The following SERF1B variants were observed in gnomAD, a reference collection of about 807,000 sequenced individuals.
The protein encoded by SERF1B is small EDRK-rich factor 1B, also known as small EDRK-rich factor 1.
intron 2 of SERF1B, among the ~76,000 whole-genome samples, 173 bp from the exon 3 acceptor site, chr5:70,041,351 C>A (rs1167878212): frequency 6.7e-6 from 1 of 148,660 alleles, no homozygotes; most frequent in Non-Finnish European, 1.5e-5. Flanking sequence ...GTCCCATTCC[C>A]CTGAACTAAC....
intron 2 of SERF1B, chr5:70,032,292 T>TA (rs1774149721): frequency 2.0e-6 from 1 of 496,532 alleles, no homozygotes; most frequent in African/African-American, 2.2e-5. Context: ...TGTAACAACT[T>TA]ATAGACTTTT....
intron 2 of SERF1B, among the ~76,000 whole-genome samples, chr5:70,038,502 C>T (rs1486246864): frequency 2.5e-4 from 12 of 48,388 alleles, no homozygotes; most frequent in Non-Finnish European, 3.3e-4. Context: ...CCCAGCTACT[C>T]GGGAGGCTGA....
chr5:70,029,428 G>A (rs1433264897), intron 2 of SERF1B, among the ~76,000 whole-genome samples: 2 of 148,734 alleles, frequency 1.3e-5, no homozygotes, highest in African/African-American at 2.5e-5. Context: ...GAGCCACCAC[G>A]CTGGCCCAGT....
At chr5:70,036,674 T>TA (rs1394579196) in intron 2 of SERF1B, among the ~76,000 whole-genome samples, 11 of 76,652 alleles carry the variant, frequency 1.4e-4, no homozygotes, top group African/African-American at 4.8e-4. Context: ...CAAAAACACT[T>TA]GGTCTGTTAT....
At position 70,042,309 on chromosome 5, in the gene SERF1B, TC is replaced by T. The variant is rs1329229679; in HGVS notation, c.*571del. 5.8e-4 allele frequency: 21 copies of T among 36,236 alleles called. No homozygotes were observed. The highest frequency in any genetic ancestry group is 2.3e-3 in the African/African-American group (19 of 8,330). The allele number at this position is 36,236 out of a possible 1,614,324, so 2.2% of individuals were successfully genotyped here. ...TTTCACCATGTTGGCCAGGCTGGTC[TC>T]CATCTCCTGACCTCGTGATTCACCC... On this transcript the variant is annotated 3_prime_UTR_variant, in exon 3 of 3. Coordinates refer to ENST00000380750, the MANE Select transcript of SERF1B (RefSeq NM_022978.3).
At chr5:70,041,341 G>A (rs1774254020) in intron 2 of SERF1B, among the ~76,000 whole-genome samples, 183 bp from the exon 3 acceptor site, 1 of 146,574 alleles carries the variant, frequency 6.8e-6, no homozygotes, top group East Asian at 1.9e-4. Flanking sequence ...CAGTAAGCCA[G>A]TCCCATTCCC....
At chr5:70,036,596 C>CAT (rs1774188430) in intron 2 of SERF1B, among the ~76,000 whole-genome samples, 2 of 91,534 alleles carry the variant, frequency 2.2e-5, no homozygotes, top group East Asian at 6.7e-4. Context: ...TCAAAACATA[C>CAT]ACACACACAC....
At position 70,028,934 on chromosome 5, in the gene SERF1B, G is replaced by A. The variant is rs540883239; in HGVS notation, c.116+2419G>A. Among the ~76,000 whole-genome samples, 11 of 151,596 alleles carry A rather than the reference G, an allele frequency of 7.3e-5. No homozygotes were observed. The East Asian group carries it at 2.2e-3, about 30-fold the overall frequency. ...GGAGCTTGCAGTGAGCTGAGATCGCGCCACCGCACTCCAGCCTGGGCGACA... is the reference window on the plus strand; with the variant it reads ...GGAGCTTGCAGTGAGCTGAGATCGCACCACCGCACTCCAGCCTGGGCGACA... On this transcript the variant is annotated intron_variant, in intron 2 of 2. Transcript: ENST00000380750.
chr5:70,036,594 TACACAC>T (rs1212936359), intron 2 of SERF1B, among the ~76,000 whole-genome samples: 38 of 106,410 alleles, frequency 3.6e-4, no homozygotes, highest in South Asian at 2.6e-4. Flanking sequence ...TCTCAAAACA[TACACAC>T]ACACACACAC....
chr5:70,036,636 C>CTCTCTG (rs1774193003), intron 2 of SERF1B, among the ~76,000 whole-genome samples: 1 of 150,168 alleles, frequency 6.7e-6, no homozygotes, highest in Non-Finnish European at 1.5e-5. Context: ...CACACTCTCT[C>CTCTCTG]TCTCTCTCTC....
At chr5:70,028,865 T>TA (rs1774098764) in intron 2 of SERF1B, among the ~76,000 whole-genome samples, 1 of 147,892 alleles carries the variant, frequency 6.8e-6, no homozygotes, top group African/African-American at 2.5e-5. Flanking sequence ...TAGTCCCAGC[T>TA]ACTCGGGAGG....
At chr5:70,036,594 TACACACACACAC>T (rs1212936359) in intron 2 of SERF1B, among the ~76,000 whole-genome samples, 9 of 106,434 alleles carry the variant, frequency 8.5e-5, no homozygotes, top group African/African-American at 1.5e-4. Context: ...TCTCAAAACA[TACACACACACAC>T]ACACACACAC....
chr5:70,036,629 A>ACACTCTCTCTCTCTCTCTCTCTCT (rs763495681), intron 2 of SERF1B, among the ~76,000 whole-genome samples: 1 of 49,836 alleles, frequency 2.0e-5, no homozygotes. Flanking sequence ...ACACACACAC[A>ACACTCTCTCTCTCTCTCTCTCTCT]CTCTCTCTCT....
At chr5:70,029,135 T>A (rs1435408428) in intron 2 of SERF1B, among the ~76,000 whole-genome samples, 1 of 149,634 alleles carries the variant, frequency 6.7e-6, no homozygotes, top group Non-Finnish European at 1.5e-5. Context: ...ACTTAGGTTA[T>A]GCCTTTTTTT....
At chr5:70,036,460 G>C (rs1774184964) in intron 2 of SERF1B, among the ~76,000 whole-genome samples, 1 of 87,530 alleles carries the variant, frequency 1.1e-5, no homozygotes, top group African/African-American at 5.5e-5. Context: ...GGTGGTGCAC[G>C]CCTGTAGTCC....
At chr5:70,037,655 A>G (rs1445876833) in intron 2 of SERF1B, among the ~76,000 whole-genome samples, 1 of 137,448 alleles carries the variant, frequency 7.3e-6, no homozygotes, top group African/African-American at 3.1e-5. Flanking sequence ...TCTCAAAGAA[A>G]TAAATAAATA....
intron 2 of SERF1B, among the ~76,000 whole-genome samples, chr5:70,036,304 A>G (rs1348215306): frequency 1.9e-4 from 10 of 53,488 alleles, no homozygotes; most frequent in Non-Finnish European, 7.2e-5. Flanking sequence ...ATTTTTATAT[A>G]GGCTGGGCAC....
At chr5:70,036,629 A>ACT (rs1554065559) in intron 2 of SERF1B, among the ~76,000 whole-genome samples, 1,366 of 49,884 alleles carry the variant, frequency 0.027, 37 homozygotes, top group Non-Finnish European at 0.032. Context: ...ACACACACAC[A>ACT]CTCTCTCTCT....
At chr5:70,035,383 A>AT (rs763970203) in intron 2 of SERF1B, among the ~76,000 whole-genome samples, 4 of 136,576 alleles carry the variant, frequency 2.9e-5, no homozygotes, top group East Asian at 2.0e-4. Flanking sequence ...TATTATTATT[A>AT]TTTTTTTTTT....
Sources: allele counts gnomAD v4.1 joint callset (sites outside exome capture counted in the v4.1 genomes callset), GRCh38; gene constraint gnomAD v4.1.1; transcripts MANE v1.5; gene names NCBI Gene and HGNC (gene_info 2026-07-23, HGNC 2026-07-21).